The following CDH13 variants were observed in gnomAD, a reference collection of about 807,000 sequenced individuals.
CDH13 encodes cadherin 13, also known as cadherin-13.
A neutral mutation model predicts 63.8 loss-of-function variants in CDH13; 24 were observed. The observed-to-expected ratio is 0.38, with a 90% CI of 0.27 to 0.53. CDH13 has a LOEUF of 0.53. Ranked by LOEUF, CDH13 falls within the 20% of genes least tolerant of loss-of-function variation. The pLI, the probability that CDH13 is intolerant of heterozygous loss-of-function variation, is 0.85. For missense variants in CDH13, 1,049 were observed against 903.1 expected, an observed-to-expected ratio of 1.16 and a Z score of -2.07; for synonymous variants, 503 against 355.3, an observed-to-expected ratio of 1.42 and a Z score of -4.67.
At chr16:83,381,636 C>G (rs773560280) in intron 6 of CDH13, among the ~76,000 whole-genome samples, 4 of 151,924 alleles carry the variant, frequency 2.6e-5, no homozygotes, top group Admixed American at 6.6e-5. Context: ...CCACTCTCAC[C>G]TAAAAAAGCT....
At chr16:82,951,991 C>G (rs151023845) in intron 2 of CDH13, among the ~76,000 whole-genome samples, 1 of 152,356 alleles carries the variant, frequency 6.6e-6, no homozygotes, top group Non-Finnish European at 1.5e-5. Context: ...CATCTCAACA[C>G]ATGTCACTTG....
At chr16:82,974,509 C>T (rs1356543488) in intron 2 of CDH13, among the ~76,000 whole-genome samples, 1 of 152,080 alleles carries the variant, frequency 6.6e-6, no homozygotes, top group Non-Finnish European at 1.5e-5. Context: ...AATAATGACC[C>T]CAATGATATC....
At chr16:83,533,624 T>C (rs1468566906) in intron 7 of CDH13, among the ~76,000 whole-genome samples, 4 of 146,866 alleles carry the variant, frequency 2.7e-5, no homozygotes, top group African/African-American at 7.6e-5. Context: ...TTATCTTTTT[T>C]TTTTTTTTTT....
chr16:82,818,114 T>TTGTGTGTGTGTGTGTGTGTG (rs5818411), intron 1 of CDH13, among the ~76,000 whole-genome samples: 4 of 149,256 alleles, frequency 2.7e-5, no homozygotes, highest in African/African-American at 9.8e-5. Flanking sequence ...ACATGTATGG[T>TTGTGTGTGTGTGTGTGTGTG]TGTGTGTGTG....
At chr16:82,849,806 G>C (rs773705052) in intron 1 of CDH13, among the ~76,000 whole-genome samples, 31 of 152,300 alleles carry the variant, frequency 2.0e-4, no homozygotes, top group South Asian at 2.1e-4. Flanking sequence ...TAAGAATTGT[G>C]CTGAATCTAC....
intron 6 of CDH13, among the ~76,000 whole-genome samples, chr16:83,468,074 CT>C (rs1247430601): frequency 4.6e-5 from 7 of 152,218 alleles, no homozygotes; most frequent in Non-Finnish European, 1.0e-4. Context: ...CTTCCATGCC[CT>C]TTTGGCACCG....
chr16:83,421,625 G>A (rs1411392579), intron 6 of CDH13, among the ~76,000 whole-genome samples: 1 of 151,980 alleles, frequency 6.6e-6, no homozygotes, highest in Admixed American at 6.6e-5. Context: ...AGTTCCTATA[G>A]ACTTCTTATG....
intron 1 of CDH13, among the ~76,000 whole-genome samples, chr16:82,776,308 A>C (rs1285502212): frequency 2.6e-5 from 4 of 151,980 alleles, no homozygotes; most frequent in African/African-American, 9.7e-5. Flanking sequence ...AAGGAGAGAA[A>C]AGAGAAAAGA....
intron 1 of CDH13, among the ~76,000 whole-genome samples, chr16:82,683,835 G>C (rs925763474): frequency 6.6e-6 from 1 of 152,216 alleles, no homozygotes; most frequent in Non-Finnish European, 1.5e-5. Flanking sequence ...GGTGATGGTA[G>C]ACATTATATT....
chr16:82,977,912 T>C (rs1342900580), intron 2 of CDH13, among the ~76,000 whole-genome samples: 1 of 152,146 alleles, frequency 6.6e-6, no homozygotes, highest in South Asian at 2.1e-4. Context: ...TCCTAGAGAT[T>C]TGTTGAATGT....
At chr16:82,769,778 A>G (rs1355983852) in intron 1 of CDH13, among the ~76,000 whole-genome samples, 1 of 152,350 alleles carries the variant, frequency 6.6e-6, no homozygotes. Context: ...GGCTTTTCTA[A>G]TGCATCAGCA....
chr16:82,916,354 TGA>T (rs2041988485), intron 2 of CDH13, among the ~76,000 whole-genome samples: 1 of 152,122 alleles, frequency 6.6e-6, no homozygotes, highest in Non-Finnish European at 1.5e-5. Context: ...AGCGAGTGGA[TGA>T]CGAGGTTAGG....
chr16:83,483,224 A>C (rs935123687), intron 6 of CDH13, among the ~76,000 whole-genome samples: 3 of 152,172 alleles, frequency 2.0e-5, no homozygotes, highest in African/African-American at 7.2e-5. Flanking sequence ...GTTCCCTCAG[A>C]GGCGCGATTT....
rs541382580 is a variant in CDH13 at position 83,047,776 on chromosome 16, C to T, written c.366+15558C>T. Among the ~76,000 whole-genome samples, 2 of 152,252 alleles carry T rather than the reference C, an allele frequency of 1.3e-5. No individual in the cohort carries two copies. The highest frequency in any genetic ancestry group is 4.2e-4 in the South Asian group (2 of 4,816). On this transcript the variant is annotated intron_variant, in intron 3 of 13. Coordinates refer to ENST00000567109, the MANE Select transcript of CDH13 (RefSeq NM_001257.5). This position sits in a 1 kb window ranked among gnomAD's most constrained non-coding sequence, Gnocchi z 4.9. ...TGCAGATCGTAGTCAATTTATTTAG[C>T]TCAAACGTTGTGCGGGGCACCACTT...
At chr16:83,175,425 T>C (rs568561093) in intron 4 of CDH13, among the ~76,000 whole-genome samples, 33 of 152,190 alleles carry the variant, frequency 2.2e-4, no homozygotes, top group African/African-American at 7.7e-4. Context: ...CTCTGTTTCT[T>C]TTTCTAATGA....
At chr16:83,684,264 G>A (rs548548474) in intron 10 of CDH13, among the ~76,000 whole-genome samples, 16 of 152,218 alleles carry the variant, frequency 1.1e-4, no homozygotes, top group Admixed American at 6.5e-4. Flanking sequence ...GTACTTGGGA[G>A]GCTGAGGCAG....
At chr16:83,280,788 T>C (rs1221464591) in intron 5 of CDH13, among the ~76,000 whole-genome samples, 2 of 152,250 alleles carry the variant, frequency 1.3e-5, no homozygotes, top group Non-Finnish European at 2.9e-5. Flanking sequence ...TGTGTTACCA[T>C]ACACAAAAAC....
At chr16:83,298,674 A>G (rs541184944) in intron 5 of CDH13, among the ~76,000 whole-genome samples, 3 of 152,240 alleles carry the variant, frequency 2.0e-5, no homozygotes, top group Non-Finnish European at 4.4e-5. Flanking sequence ...GCAGTGTCAC[A>G]GAATCACTCT....
intron 7 of CDH13, among the ~76,000 whole-genome samples, chr16:83,578,617 A>G (rs1422014687): frequency 6.6e-6 from 1 of 152,186 alleles, no homozygotes; most frequent in Non-Finnish European, 1.5e-5. Flanking sequence ...GACTCCACTG[A>G]TGTTTAATGA....
Sources: allele counts gnomAD v4.1 joint callset (sites outside exome capture counted in the v4.1 genomes callset), GRCh38; gene constraint gnomAD v4.1.1; non-coding constraint Gnocchi (gnomAD v3.1); transcripts MANE v1.5; gene names NCBI Gene and HGNC (gene_info 2026-07-23, HGNC 2026-07-21).